Variants in CTNNA2 observed in about 807,000 individuals in gnomAD.
CTNNA2 encodes catenin alpha-2.
CTNNA2 carries 42 observed loss-of-function variants against 101.0 expected under a neutral mutation model. The observed-to-expected ratio is 0.42, with a 90% CI of 0.32 to 0.54. The LOEUF is 0.54. CTNNA2 is among the 20% of genes least tolerant of loss of function. The probability of loss-of-function intolerance (pLI) is 0.14; values close to 1 mark genes in which losing one functional copy is unlikely to be tolerated. For missense variants in CTNNA2, 871 were observed against 1,223.1 expected, an observed-to-expected ratio of 0.71 and a Z score of 4.29; for synonymous variants, 450 against 456.4, an observed-to-expected ratio of 0.99 and a Z score of 0.18.
chr2:79,508,763 C>T (rs1411369696), upstream of CTNNA2, among the ~76,000 whole-genome samples: 1 of 151,588 alleles, frequency 6.6e-6, no homozygotes, highest in Non-Finnish European at 1.5e-5. Context: ...CTCCATTTTG[C>T]AGACTGGAAA....
In CTNNA2 at chr2:80,429,084, C is replaced by T. The variant is rs569203664; in HGVS notation, c.1290+9483C>T. Among the ~76,000 whole-genome samples, 69 of 152,090 alleles carry T rather than the reference C, an allele frequency of 4.5e-4. No individual in the cohort carries two copies. In the Middle Eastern group the frequency reaches 0.014, roughly 30 times the overall value. The stretch of plus-strand genomic sequence containing the variant: ...ATGTTAAACTTACAGTAAATTTTGT[C>T]ATTTAAGAAGTATATATTCCAGTAC... On this transcript the variant is annotated intron_variant, in intron 9 of 18. Transcript: ENST00000402739.
At chr2:79,924,659 G>C (rs1686901467) in intron 7 of CTNNA2, among the ~76,000 whole-genome samples, 3 of 152,026 alleles carry the variant, frequency 2.0e-5, no homozygotes, top group Admixed American at 1.3e-4. Flanking sequence ...TTGACCAAGG[G>C]GTTGAATCAA....
chr2:79,814,660 T>A (rs568461203), intron 3 of CTNNA2, among the ~76,000 whole-genome samples: 1 of 151,040 alleles, frequency 6.6e-6, no homozygotes, highest in Non-Finnish European at 1.5e-5. Flanking sequence ...TATCACAGTT[T>A]CTTTATCCAC....
intron 2 of CTNNA2, among the ~76,000 whole-genome samples, chr2:79,700,300 G>A (rs559549500): frequency 1.3e-5 from 2 of 152,082 alleles, no homozygotes; most frequent in East Asian, 3.9e-4. Context: ...CATTCCTATG[G>A]CCTAAGGGAA....
chr2:80,489,549 C>A (rs1686871761), intron 9 of CTNNA2, among the ~76,000 whole-genome samples: 1 of 152,104 alleles, frequency 6.6e-6, no homozygotes, highest in African/African-American at 2.4e-5. Flanking sequence ...TGTTAAGAGT[C>A]CATGTTATAT....
chr2:80,034,026 G>A (rs1327390771), intron 7 of CTNNA2, among the ~76,000 whole-genome samples: 3 of 143,324 alleles, frequency 2.1e-5, no homozygotes, highest in Admixed American at 6.9e-5. Flanking sequence ...ATTCCTTTAT[G>A]AACTTGAAGT....
intron 9 of CTNNA2, among the ~76,000 whole-genome samples, chr2:80,435,332 A>G (rs1681933221): frequency 6.6e-6 from 1 of 152,208 alleles, no homozygotes; most frequent in South Asian, 2.1e-4. Context: ...AACTGAATTT[A>G]TCTCTGAAAT....
At chr2:80,384,281 C>T (rs1676789297) in intron 7 of CTNNA2, among the ~76,000 whole-genome samples, 1 of 151,988 alleles carries the variant, frequency 6.6e-6, no homozygotes, top group South Asian at 2.1e-4. Context: ...AAAATATCTG[C>T]ACTGTTTGGC....
At chr2:80,132,347 C>T (rs1043557494) in intron 7 of CTNNA2, among the ~76,000 whole-genome samples, 1 of 152,068 alleles carries the variant, frequency 6.6e-6, no homozygotes, top group Non-Finnish European at 1.5e-5. Flanking sequence ...CAAGACTGGT[C>T]TCCATCTGTT....
At chr2:79,195,850 C>T (rs369426269) in intron 1 of CTNNA2, 10 of 512,114 alleles carry the variant, frequency 2.0e-5, no homozygotes, top group Non-Finnish European at 3.5e-5. Context: ...AATGAAAGTT[C>T]TAGACCTTCA....
chr2:79,834,060 C>G (rs1045057192), intron 3 of CTNNA2, among the ~76,000 whole-genome samples: 1 of 152,090 alleles, frequency 6.6e-6, no homozygotes, highest in Non-Finnish European at 1.5e-5. Context: ...TTGCACTAAA[C>G]AATTTCTGCT....
intron 9 of CTNNA2, among the ~76,000 whole-genome samples, chr2:80,454,498 T>A (rs1443640155): frequency 6.6e-6 from 1 of 152,314 alleles, no homozygotes; most frequent in Admixed American, 6.5e-5. Context: ...TTGGTGATAA[T>A]CAGCCATTTA....
intron 3 of CTNNA2, among the ~76,000 whole-genome samples, chr2:79,756,914 A>C (rs1672439553): frequency 6.6e-6 from 1 of 152,198 alleles, no homozygotes; most frequent in Non-Finnish European, 1.5e-5. Flanking sequence ...AAAACTGACA[A>C]TACAAACTGT....
At chr2:79,204,277 G>A (rs927451544) in intron 2 of CTNNA2, among the ~76,000 whole-genome samples, 1 of 152,312 alleles carries the variant, frequency 6.6e-6, no homozygotes, top group South Asian at 2.1e-4. Flanking sequence ...CATTTATTTT[G>A]CCTTTTGGCA....
chr2:80,059,544 G>A (rs928517588), intron 7 of CTNNA2, among the ~76,000 whole-genome samples: 6 of 152,134 alleles, frequency 3.9e-5, no homozygotes, highest in Admixed American at 6.5e-5. Flanking sequence ...TATTTTAGTC[G>A]CTTGGATACT....
intron 4 of CTNNA2, among the ~76,000 whole-genome samples, chr2:79,427,509 A>G (rs182075022): frequency 6.6e-6 from 1 of 152,054 alleles, no homozygotes; most frequent in African/African-American, 2.4e-5. Context: ...TCATGTATTT[A>G]TCTAAACTGT....
chr2:79,332,568 T>C (rs1676899264), intron 3 of CTNNA2, among the ~76,000 whole-genome samples: 2 of 152,192 alleles, frequency 1.3e-5, no homozygotes, highest in Non-Finnish European at 1.5e-5. Flanking sequence ...TCTTCTAAGG[T>C]GCACTTTCCA....
chr2:79,191,695 G>A (rs769677636), intron 1 of CTNNA2, among the ~76,000 whole-genome samples: 21 of 152,090 alleles, frequency 1.4e-4, no homozygotes, highest in Non-Finnish European at 1.0e-4. Context: ...GGGAGGGAGC[G>A]TGTCACTGAG....
At chr2:79,657,923 G>T (rs763540519) in intron 2 of CTNNA2, among the ~76,000 whole-genome samples, 1 of 151,514 alleles carries the variant, frequency 6.6e-6, no homozygotes, top group Non-Finnish European at 1.5e-5. Flanking sequence ...AATGTACCAC[G>T]TAAATTTTGG....
Sources: allele counts gnomAD v4.1 joint callset (sites outside exome capture counted in the v4.1 genomes callset), GRCh38; gene constraint gnomAD v4.1.1; transcripts MANE v1.5; gene names NCBI Gene and HGNC (gene_info 2026-07-23, HGNC 2026-07-21).